The following MLIP variants were observed in gnomAD, a reference collection of about 807,000 sequenced individuals.
MLIP encodes muscular LMNA-interacting protein.
Under a neutral mutation model 84.8 loss-of-function variants are expected in MLIP, and 79 were observed. That is an observed-to-expected ratio of 0.93 (90% CI 0.78 to 1.12). The LOEUF (loss-of-function observed/expected upper bound fraction) is 1.12. MLIP is among the 50% of genes most tolerant of loss of function. MLIP has a pLI of 0.00. For synonymous variants in MLIP, 504 were observed against 463.0 expected (o/e 1.09, Z -1.14); for missense variants, 1,257 against 1,160.6 (o/e 1.08, Z -1.21).
At position 54,202,219 on chromosome 6, in the gene MLIP, C is replaced by T. The variant is rs1308130859; in HGVS notation, c.2704C>T (p.Leu902Phe). The T allele has an allele frequency of 1.9e-6, 3 of 1,572,130 alleles. No homozygotes were observed. The African/African-American group carries it at 4.1e-5, about 21-fold the overall frequency. ...TAAATACTTGGAAGATAACAGCGAC[C>T]TCTTTTCTGAACAGGTGAGCACATA... is the stretch of plus-strand genomic sequence containing the variant. ...FSKYLEDNSD[L>F]FSEQDVTVPP... Residue 902 changes from leucine (L) to phenylalanine (F), a missense_variant, in exon 11 of 14, where the codon CTC becomes TTC. Physicochemically the swap from Leu to Phe is conservative, Grantham distance 22. Transcript: ENST00000502396.
chr6:54,071,543 A>AT lies in MLIP; in HGVS notation c.64-49896dup, dbSNP rs559150942. On this transcript the variant is annotated intron_variant, in intron 1 of 12. Transcript: ENST00000274897. ...GTAATAATGAGTTAACCTGTTTAGG[A>AT]TTTTTTTTAAAGGTATAAATTTAAG... Among the ~76,000 whole-genome samples the AT allele has an allele frequency of 3.9e-5, 6 of 152,090 alleles. No homozygotes were observed. The South Asian group carries it at 1.0e-3, about 26-fold the overall frequency.
At chr6:54,152,621 A>G (rs2150533247) in intron 5 of MLIP, among the ~76,000 whole-genome samples, 1 of 152,268 alleles carries the variant, frequency 6.6e-6, no homozygotes, top group East Asian at 1.9e-4. Flanking sequence ...ACACATGGGA[A>G]TTCTGGGAGA....
At chr6:54,250,571 T>G (rs1312016689) in intron 12 of MLIP, among the ~76,000 whole-genome samples, 1 of 152,080 alleles carries the variant, frequency 6.6e-6, no homozygotes, top group African/African-American at 2.4e-5. Flanking sequence ...AAAACTCATA[T>G]TTAACAGTGT....
At chr6:54,150,090 C>T (rs138390813) in intron 5 of MLIP, among the ~76,000 whole-genome samples, 601 of 152,220 alleles carry the variant, frequency 3.9e-3, no homozygotes, top group Middle Eastern at 0.027. Context: ...TATAAATCTA[C>T]ATTCTTATTC....
chr6:54,257,691 G>T (rs1423511823), intron 13 of MLIP, among the ~76,000 whole-genome samples: 1 of 151,974 alleles, frequency 6.6e-6, no homozygotes, highest in African/African-American at 2.4e-5. Flanking sequence ...AGGGTCAATG[G>T]ATGTCCCATA....
At chr6:54,175,445 G>A (rs1776187788) in intron 9 of MLIP, among the ~76,000 whole-genome samples, 1 of 151,702 alleles carries the variant, frequency 6.6e-6, no homozygotes, top group African/African-American at 2.4e-5. Context: ...AGTTTTCATT[G>A]TAGAGATTTT....
At chr6:54,105,883 T>A (rs1056638591) in intron 1 of MLIP, among the ~76,000 whole-genome samples, 2 of 152,064 alleles carry the variant, frequency 1.3e-5, no homozygotes, top group Non-Finnish European at 2.9e-5. Flanking sequence ...AGGTGTAAGA[T>A]CATTGGGCTA....
At chr6:54,154,797 A>G (rs1397434845) in intron 5 of MLIP, among the ~76,000 whole-genome samples, 2 of 152,182 alleles carry the variant, frequency 1.3e-5, no homozygotes, top group African/African-American at 2.4e-5. Context: ...ATGGGAAATA[A>G]TGTGGCTCTG....
intron 10 of MLIP, among the ~76,000 whole-genome samples, chr6:54,199,953 G>A (rs1005330074): frequency 2.0e-5 from 3 of 152,092 alleles, no homozygotes; most frequent in African/African-American, 7.2e-5. Context: ...AGAAAAGAAC[G>A]TGGAAAATCT....
chr6:54,103,757 G>A (rs1476639058), intron 1 of MLIP, among the ~76,000 whole-genome samples: 1 of 152,124 alleles, frequency 6.6e-6, no homozygotes, highest in Non-Finnish European at 1.5e-5. Flanking sequence ...TATGAAACAT[G>A]TATCGTAAGT....
At chr6:54,201,223 T>A (rs1023628100) in intron 10 of MLIP, among the ~76,000 whole-genome samples, 1 of 152,124 alleles carries the variant, frequency 6.6e-6, no homozygotes, top group Non-Finnish European at 1.5e-5. Flanking sequence ...GAATCTCGAG[T>A]GACTGATGTA....
intron 1 of MLIP, chr6:54,019,205 G>C (rs1255184100): frequency 9.8e-7 from 1 of 1,019,630 alleles, no homozygotes; most frequent in Non-Finnish European, 1.5e-6. Flanking sequence ...ATGTTTTGCT[G>C]GTCAATAACT....
chr6:54,071,549 T>C (rs1291936473), intron 1 of MLIP, among the ~76,000 whole-genome samples: 1 of 152,184 alleles, frequency 6.6e-6, no homozygotes, highest in Non-Finnish European at 1.5e-5. Context: ...TAGGATTTTT[T>C]TTAAAGGTAT....
At chr6:54,080,498 C>A in intron 1 of MLIP, among the ~76,000 whole-genome samples, 1 of 151,676 alleles carries the variant, frequency 6.6e-6, no homozygotes, top group East Asian at 1.9e-4. Flanking sequence ...AATCATTTCA[C>A]TTTCTATTTA....
chr6:54,059,485 GA>G (rs1298434735), intron 1 of MLIP, among the ~76,000 whole-genome samples: 2 of 152,110 alleles, frequency 1.3e-5, no homozygotes, highest in Non-Finnish European at 2.9e-5. Context: ...ATGAGGAGGG[GA>G]AATATTCAAT....
intron 12 of MLIP, among the ~76,000 whole-genome samples, chr6:54,233,210 G>A (rs1781125311): frequency 6.6e-6 from 1 of 151,748 alleles, no homozygotes; most frequent in African/African-American, 2.4e-5. Context: ...TTAAGTTCTG[G>A]GATACATGTG....
At chr6:54,112,496 G>A (rs1449567167) in intron 1 of MLIP, among the ~76,000 whole-genome samples, 1 of 152,156 alleles carries the variant, frequency 6.6e-6, no homozygotes, top group African/African-American at 2.4e-5. Context: ...AATACCAAAT[G>A]ATTGCCCTTT....
chr6:54,019,035 C>T (rs2150255738), exon 1 of MLIP: 1 of 1,609,868 alleles, frequency 6.2e-7, no homozygotes, highest in South Asian at 1.1e-5. Flanking sequence ...CAATATGGAA[C>T]TTGAAAAGCG....
intron 5 of MLIP, among the ~76,000 whole-genome samples, chr6:54,152,064 A>C (rs543323405): frequency 5.9e-5 from 9 of 152,098 alleles, no homozygotes; most frequent in Non-Finnish European, 1.0e-4. Context: ...GTGAACCTTT[A>C]AGAAGGAAGC....
Sources: allele counts gnomAD v4.1 joint callset (sites outside exome capture counted in the v4.1 genomes callset), GRCh38; gene constraint gnomAD v4.1.1; transcripts MANE v1.5; gene names NCBI Gene and HGNC (gene_info 2026-07-23, HGNC 2026-07-21).